The following ITGA7 variants were observed in gnomAD, a reference collection of about 807,000 sequenced individuals.
ITGA7 encodes integrin subunit alpha 7.
In ITGA7, 84 loss-of-function variants were observed where a neutral mutation model predicts 131.6. That is an observed-to-expected ratio of 0.64 (90% CI 0.54 to 0.77). The LOEUF is 0.77. Ranked by LOEUF, ITGA7 falls within the 30% of genes least tolerant of loss-of-function variation. The probability of loss-of-function intolerance (pLI) is 0.00; values close to 1 mark genes in which losing one functional copy is unlikely to be tolerated. For synonymous variants in ITGA7, 548 were observed against 600.7 expected (o/e 0.91, Z 1.28); for missense variants, 1,399 against 1,482.9 (o/e 0.94, Z 0.93).
rs773472615 is a variant in ITGA7, at chr12:55,698,489, C to A, written c.1086G>T (p.Gly362=). The A allele has an allele frequency of 2.5e-6, 4 of 1,614,020 alleles. No homozygotes were observed. The Admixed American group carries it at 6.7e-5, about 27-fold the overall frequency. ...GGAVYVYLNQ[G]GHWAGISPLR... ...GAGGGGAGATCCCAGCCCAGTGACC[C>A]CCCTGGTTCAAGTACACATACACAG... is the stretch of plus-strand genomic sequence containing the variant. The change falls in exon 7 of 25, where the codon GGG becomes GGT. Residue 362 remains glycine (G), a synonymous_variant. Coordinates refer to ENST00000257879, the MANE Select transcript of ITGA7 (RefSeq NM_002206.3).
intron 19 of ITGA7, 151 bp downstream of exon 19, chr12:55,693,870 T>G: frequency 1.5e-6 from 1 of 689,040 alleles, no homozygotes; most frequent in Non-Finnish European, 2.6e-6. Flanking sequence ...AGGAACACCT[T>G]CCCACAGCCA....
At chr12:55,691,188 A>G (rs973848337) in intron 21 of ITGA7, among the ~76,000 whole-genome samples, 1 of 152,172 alleles carries the variant, frequency 6.6e-6, no homozygotes, top group Non-Finnish European at 1.5e-5. Flanking sequence ...TTTAGACATT[A>G]TGTTAAGCAA....
At position 55,688,252 on chromosome 12, in the gene ITGA7, T is replaced by C; in HGVS notation, c.3007A>G (p.Thr1003Ala). The change falls in exon 23 of 25, where the codon ACA (threonine) becomes GCA (alanine). Residue 1003 changes from threonine (T) to alanine (A), a missense_variant. Transcript: ENST00000257879. ...SLEVIVRANI[T>A]VKSSIKNLML... ...AAGTTCTTTATGGAGGACTTCACTG[T>C]GATGTTGGCCCGGACAATCACTTCC... 1 of 1,614,082 alleles carries C rather than the reference T, an allele frequency of 6.2e-7. No homozygotes were observed. The highest frequency in any genetic ancestry group is 1.1e-5 in the South Asian group (1 of 91,078).
At chr12:55,700,210 A>T in intron 4 of ITGA7, 2 of 1,565,548 alleles carry the variant, frequency 1.3e-6, no homozygotes, top group South Asian at 1.2e-5. Context: ...AGAGAGGACA[A>T]GAGAGAGGAG....
intron 13 of ITGA7, 129 bp downstream of exon 13, chr12:55,696,154 A>G (rs894862151): frequency 2.0e-6 from 2 of 990,836 alleles, no homozygotes; most frequent in Non-Finnish European, 3.0e-6. Flanking sequence ...GCACCTAGAG[A>G]TATGAGGAAT....
chr12:55,695,285 A>G (rs1462856841), intron 14 of ITGA7: 6 of 600,410 alleles, frequency 1.0e-5, no homozygotes, highest in Non-Finnish European at 1.8e-5. Flanking sequence ...AATGAGATGT[A>G]TGTAGACTGC....
chr12:55,694,847 A>G lies in ITGA7; in HGVS notation c.2127T>C (p.His709=), dbSNP rs1205968170. Residue 709 remains histidine (H), a synonymous_variant, in exon 15 of 25, where the codon CAT becomes CAC. Coordinates refer to ENST00000257879, the MANE Select transcript of ITGA7 (RefSeq NM_002206.3). This position sits in a 1 kb window ranked among gnomAD's most constrained non-coding sequence, Gnocchi z 5.3. ...GAAGCATGACCAGGAGCTGGGCTTC[A>G]TGGGCATCATCCCCATCAGCCTGGG... The part of the protein sequence containing the change: ...AQPQADGDDA[H]EAQLLVMLPD... The G allele has an allele frequency of 6.2e-7, 1 of 1,613,522 alleles. No individual in the cohort carries two copies.
rs748602754 is a variant in ITGA7, at chr12:55,697,057, C to A, written c.1579G>T (p.Val527Leu). The A allele has an allele frequency of 6.2e-7, 1 of 1,613,786 alleles. No homozygotes were observed. The highest frequency in any genetic ancestry group is 1.1e-5 in the South Asian group (1 of 91,036). The change falls in exon 12 of 25, where the codon GTG becomes TTG. Residue 527 changes from valine to leucine, a missense_variant. Coordinates refer to ENST00000257879, the MANE Select transcript of ITGA7 (RefSeq NM_002206.3). The stretch of plus-strand genomic sequence containing the variant: ...CTCCGGTCTGTGTCCGCATCTAACA[C>A]ATAGTCCAGGGCTGTGGCATGTTGG... The part of the protein sequence containing the change: ...SYSPTVALDY[V>L]LDADTDRRLR...
At chr12:55,686,782 CCTGGT>C (rs1404199100) in intron 24 of ITGA7, among the ~76,000 whole-genome samples, 4 of 152,242 alleles carry the variant, frequency 2.6e-5, no homozygotes, top group African/African-American at 9.6e-5. Context: ...CCATGCAGAG[CCTGGT>C]ATGTGGAAGC....
upstream of ITGA7, among the ~76,000 whole-genome samples, chr12:55,710,231 G>A (rs149307138): frequency 7.6e-4 from 115 of 152,094 alleles, no homozygotes; most frequent in African/African-American, 2.4e-3. Context: ...TGTGGTGGCG[G>A]GTACCTGTAA....
chr12:55,706,732 G>A (rs1875273288), intron 1 of ITGA7, among the ~76,000 whole-genome samples: 1 of 152,174 alleles, frequency 6.6e-6, no homozygotes. Flanking sequence ...CCCAGCTGCT[G>A]AGATTCCTGG....
In ITGA7 at chr12:55,694,098, A is replaced by G. The variant is rs1872080460; in HGVS notation, c.2458T>C (p.Phe820Leu). 1 of 1,614,094 alleles carries G rather than the reference A, an allele frequency of 6.2e-7. No homozygotes were observed. Among genetic ancestry groups the G allele is most frequent in the Admixed American group, 1.7e-5 (1 of 60,008 alleles). ...CTCTCGCCCCTCACCACACCAGAGA[A>G]GAAGAGTTGCTGGGGAATGGCCATT... The part of the protein sequence containing the change: ...AGMAIPQQLF[F>L]SGVVRGERAM... Residue 820 changes from phenylalanine (F) to leucine (L), a missense_variant, in exon 19 of 25, where the codon TTC (phenylalanine) becomes CTC (leucine). Transcript: ENST00000257879. The surrounding 1 kb of genome is among the most constrained non-coding windows in gnomAD (Gnocchi z 5.3).
intron 1 of ITGA7, among the ~76,000 whole-genome samples, chr12:55,706,760 G>C (rs181084997): frequency 6.6e-6 from 1 of 152,322 alleles, no homozygotes; most frequent in South Asian, 2.1e-4. Flanking sequence ...AATTTGCTAA[G>C]GAGGAGGAAG....
At chr12:55,691,977 T>C (rs1158464062) in intron 21 of ITGA7, among the ~76,000 whole-genome samples, 7 of 152,148 alleles carry the variant, frequency 4.6e-5, no homozygotes, top group Non-Finnish European at 8.8e-5. Context: ...GCACAGAGCA[T>C]GTGCGGATCT....
At chr12:55,688,401 G>A in intron 22 of ITGA7, 101 bp from the exon 23 acceptor site, 1 of 913,880 alleles carries the variant, frequency 1.1e-6, no homozygotes. Context: ...CCAACACAGA[G>A]GATGTTTCTG....
rs368615107 is a variant in ITGA7 at position 55,707,620 on chromosome 12, G to C, written c.63C>G (p.Ser21=). The C allele has an allele frequency of 7.0e-5, 112 of 1,611,014 alleles. No homozygotes were observed. Among genetic ancestry groups the C allele is most frequent in the Non-Finnish European group, 9.1e-5 (107 of 1,178,688 alleles). ...GTGAGAAGAGCAGTTCGACGAGCAGGGAGCCAAAAAGGTAGCAAATCCCGG... is the reference window on the plus strand; with the variant it reads ...GTGAGAAGAGCAGTTCGACGAGCAGCGAGCCAAAAAGGTAGCAAATCCCGG... The part of the protein sequence containing the change: ...GASGICYLFG[S]LLVELLFSRA... The change falls in exon 1 of 25, where the codon TCC becomes TCG. Residue 21 remains serine, a synonymous_variant. Coordinates refer to ENST00000257879, the MANE Select transcript of ITGA7 (RefSeq NM_002206.3).
Position 55,702,908 on chromosome 12 carries a change from G to T in ITGA7, c.378C>A (p.Val126=). The T allele has an allele frequency of 6.2e-7, 1 of 1,613,148 alleles. No homozygotes were observed. ...CCCCAGGCCCCTGGCTCCGAACACTGACTCCCAACCACTGGTTCTCCTTGC... is the reference window on the plus strand; with the variant it reads ...CCCCAGGCCCCTGGCTCCGAACACTTACTCCCAACCACTGGTTCTCCTTGC... ...KESKENQWLG[V]SVRSQGPGGK... Residue 126 remains valine (V), a synonymous_variant, in exon 3 of 25, where the codon GTC becomes GTA. Coordinates refer to ENST00000257879, the MANE Select transcript of ITGA7 (RefSeq NM_002206.3).
At chr12:55,715,980 C>T (rs960389191), upstream of ITGA7, 6 of 1,466,984 alleles carry the variant, frequency 4.1e-6, no homozygotes, top group Non-Finnish European at 5.4e-6. Flanking sequence ...TACCTCTCTT[C>T]CCCGCCAAGA....
In ITGA7 at chr12:55,697,188, C is replaced by T. The variant is rs767275066; in HGVS notation, c.1567+28G>A. Reference sequence around the variant, plus strand: ...CCCCTCCCTGGGAAACCCAAAAGGGCGAGCCACAGAGGGGGGACCGCACTC... The same window carrying T: ...CCCCTCCCTGGGAAACCCAAAAGGGTGAGCCACAGAGGGGGGACCGCACTC... On this transcript the variant is annotated intron_variant, in intron 11 of 24. Transcript: ENST00000257879. 1,213 of 1,572,996 alleles carry T rather than the reference C, an allele frequency of 7.7e-4. 1 individual carries two copies. Among genetic ancestry groups the T allele is most frequent in the Non-Finnish European group, 1.0e-3 (1,163 of 1,161,310 alleles).
Sources: allele counts gnomAD v4.1 joint callset (sites outside exome capture counted in the v4.1 genomes callset), GRCh38; gene constraint gnomAD v4.1.1; non-coding constraint Gnocchi (gnomAD v3.1); transcripts MANE v1.5; gene names NCBI Gene and HGNC (gene_info 2026-07-23, HGNC 2026-07-21).